Variants in SDK1 observed in about 807,000 individuals in gnomAD.
SDK1 encodes the protein protein sidekick-1.
A neutral mutation model predicts 245.5 loss-of-function variants in SDK1; 157 were observed. That is an observed-to-expected ratio of 0.64 (90% CI 0.56 to 0.73). SDK1 has a LOEUF of 0.73. Among genes scored for constraint, SDK1 ranks in the 30% least tolerant of loss-of-function variants. The pLI is 0.00. For synonymous variants in SDK1, 1,647 were observed against 1,278.5 expected, an observed-to-expected ratio of 1.29 and a Z score of -6.15; for missense variants, 3,583 against 3,002.3, an observed-to-expected ratio of 1.19 and a Z score of -4.52.
intron 4 of SDK1, among the ~76,000 whole-genome samples, chr7:3,692,058 C>A (rs1009958082): frequency 2.0e-5 from 3 of 152,006 alleles, no homozygotes; most frequent in African/African-American, 7.3e-5. Context: ...TAGCTGTGAG[C>A]AAGACGGTTA....
At chr7:3,608,963 G>C (rs1486143506) in intron 1 of SDK1, among the ~76,000 whole-genome samples, 1 of 152,102 alleles carries the variant, frequency 6.6e-6, no homozygotes, top group Non-Finnish European at 1.5e-5. Flanking sequence ...TATTACAAGA[G>C]ACTAAATGCA....
chr7:3,451,890 C>T (rs1488330121), intron 1 of SDK1, among the ~76,000 whole-genome samples: 1 of 152,140 alleles, frequency 6.6e-6, no homozygotes, highest in African/African-American at 2.4e-5. Context: ...TGGGCAATTG[C>T]AAAGAGACTA....
chr7:3,766,514 C>G (rs1780257873), intron 4 of SDK1, among the ~76,000 whole-genome samples: 1 of 152,120 alleles, frequency 6.6e-6, no homozygotes, highest in African/African-American at 2.4e-5. Context: ...CTTAATACTA[C>G]TAAGTGTACC....
rs575536516 is a variant in SDK1, at chr7:3,319,619, C to T, written c.298+17735C>T. Among the ~76,000 whole-genome samples the T allele has an allele frequency of 7.2e-5, 11 of 152,206 alleles. No individual in the cohort carries two copies. The East Asian group carries it at 2.1e-3, about 29-fold the overall frequency. On this transcript the variant is annotated intron_variant, in intron 1 of 44. Coordinates refer to ENST00000404826, the MANE Select transcript of SDK1 (RefSeq NM_152744.4). ...TGTTTTTGTCCCTTGTAAGTTTCTG[C>T]AATTGTATACTGCATTGATGAAGGA...
At chr7:3,958,540 C>T (rs1196292108) in intron 7 of SDK1, among the ~76,000 whole-genome samples, 1 of 152,214 alleles carries the variant, frequency 6.6e-6, no homozygotes, top group Non-Finnish European at 1.5e-5. Context: ...ACAGGCTGCA[C>T]ACCTTCCTCG....
intron 4 of SDK1, among the ~76,000 whole-genome samples, chr7:3,758,349 G>A (rs1263848646): frequency 6.6e-6 from 1 of 151,958 alleles, no homozygotes; most frequent in African/African-American, 2.4e-5. Context: ...GAATTTTTCT[G>A]TAAAGGAAAT....
chr7:3,427,121 G>A (rs1779700003), intron 1 of SDK1, among the ~76,000 whole-genome samples: 1 of 152,206 alleles, frequency 6.6e-6, no homozygotes, highest in African/African-American at 2.4e-5. Context: ...AGCAACTCCA[G>A]TATTCCCATG....
In SDK1 at chr7:3,422,325, G is replaced by C. The variant is rs11983090; in HGVS notation, c.298+120441G>C. Among the ~76,000 whole-genome samples, 747 of 152,234 alleles carry C rather than the reference G, an allele frequency of 4.9e-3. 9 individuals are homozygous for C. The highest frequency in any genetic ancestry group is 0.017 in the African/African-American group (701 of 41,554). On this transcript the variant is annotated intron_variant, in intron 1 of 44. Transcript: ENST00000404826. ...AAATTTAGAAAATACTTAAGGCATT[G>C]GTGAAGTCAAGAGTGAAAACCTCAT... is the stretch of plus-strand genomic sequence containing the variant.
intron 1 of SDK1, among the ~76,000 whole-genome samples, chr7:3,561,809 C>G (rs1430085362): frequency 1.3e-5 from 2 of 152,194 alleles, no homozygotes; most frequent in African/African-American, 4.8e-5. Context: ...TTCTCTGAAT[C>G]TGGATTTAAA....
intron 32 of SDK1, among the ~76,000 whole-genome samples, chr7:4,171,618 G>C (rs1781843025): frequency 6.6e-6 from 1 of 152,338 alleles, no homozygotes; most frequent in South Asian, 2.1e-4. Context: ...AGAGAGGCTG[G>C]AGCAGAGCCG....
intron 7 of SDK1, among the ~76,000 whole-genome samples, chr7:3,957,257 A>G (rs1458563472): frequency 6.6e-6 from 1 of 152,184 alleles, no homozygotes; most frequent in Non-Finnish European, 1.5e-5. Context: ...GTTGCATGGG[A>G]CGTGCATGTG....
chr7:3,542,457 T>C lies in SDK1; in HGVS notation c.299-76623T>C, dbSNP rs189299534. ...AGGCTCCTGGGCTGGGCCTTTCCTCTTTCAGAGAGAAGGACCCAGGGAAGA... is the reference window on the plus strand; with the variant it reads ...AGGCTCCTGGGCTGGGCCTTTCCTCCTTCAGAGAGAAGGACCCAGGGAAGA... On this transcript the variant is annotated intron_variant, in intron 1 of 44. Transcript: ENST00000404826. 1.7e-3 allele frequency among the ~76,000 whole-genome samples: 253 copies of C among 152,262 alleles called. 1 individual carries two copies. Among genetic ancestry groups the C allele is most frequent in the African/African-American group, 5.9e-3 (245 of 41,550 alleles).
At chr7:4,199,004 G>A (rs1226604462) in intron 35 of SDK1, among the ~76,000 whole-genome samples, 1 of 151,934 alleles carries the variant, frequency 6.6e-6, no homozygotes, top group Non-Finnish European at 1.5e-5. Context: ...AGTAGAGACG[G>A]GGGTTTCACC....
chr7:3,663,502 G>A (rs1248797880), intron 4 of SDK1, among the ~76,000 whole-genome samples: 1 of 152,178 alleles, frequency 6.6e-6, no homozygotes, highest in African/African-American at 2.4e-5. Flanking sequence ...TTAGAGGTTT[G>A]TTCTTCAGCT....
intron 21 of SDK1, 24 bp from the exon 22 acceptor site, chr7:4,079,439 C>G (rs866394293): frequency 6.2e-7 from 1 of 1,613,440 alleles, no homozygotes; most frequent in South Asian, 1.1e-5. Flanking sequence ...AAATCTCTCC[C>G]TTTCCTCCCT....
At chr7:4,016,147 A>G (rs1164915771) in intron 16 of SDK1, among the ~76,000 whole-genome samples, 1 of 152,234 alleles carries the variant, frequency 6.6e-6, no homozygotes, top group Non-Finnish European at 1.5e-5. Context: ...CCACACAGGT[A>G]ATGGACATGG....
At chr7:3,506,741 A>G (rs1004772954) in intron 1 of SDK1, among the ~76,000 whole-genome samples, 4 of 151,842 alleles carry the variant, frequency 2.6e-5, no homozygotes, top group East Asian at 1.9e-4. Context: ...GCATTTAACT[A>G]TATCCAGGGA....
At chr7:3,527,197 C>T (rs1327240583) in intron 1 of SDK1, among the ~76,000 whole-genome samples, 1 of 152,076 alleles carries the variant, frequency 6.6e-6, no homozygotes, top group Non-Finnish European at 1.5e-5. Flanking sequence ...TCCAAATGTC[C>T]ACAACGTCTG....
At chr7:3,921,534 AC>A (rs1562538539) in intron 5 of SDK1, among the ~76,000 whole-genome samples, 1 of 152,208 alleles carries the variant, frequency 6.6e-6, no homozygotes, top group East Asian at 1.9e-4. Context: ...AGCTATAAGA[AC>A]TAGACCTCTC....
Sources: gnomAD v4.1 joint callset for allele counts (sites outside exome capture counted in the v4.1 genomes callset) on GRCh38, gnomAD v4.1.1 for gene constraint, MANE v1.5 for transcripts, NCBI Gene and HGNC (gene_info 2026-07-23, HGNC 2026-07-21) for gene names.